The following DNAH5 variants were observed in gnomAD, a reference collection of about 807,000 sequenced individuals.
DNAH5 encodes dynein axonemal heavy chain 5.
Under a neutral mutation model 518.2 loss-of-function variants are expected in DNAH5, and 372 were observed. The ratio of observed to expected loss-of-function variants is 0.72; its 90% CI spans 0.66 to 0.78. DNAH5 has a LOEUF of 0.78. DNAH5 is among the 30% of genes least tolerant of loss of function. DNAH5 has a pLI of 0.00. For synonymous variants in DNAH5, 2,039 were observed against 2,025.9 expected (o/e 1.01, Z -0.17); for missense variants, 5,523 against 5,687.0 (o/e 0.97, Z 0.93).
At chr5:13,916,279 T>C (rs889014278) in intron 9 of DNAH5, 69 bp downstream of exon 9, 1 of 926,454 alleles carries the variant, frequency 1.1e-6, no homozygotes, top group African/African-American at 1.6e-5. Context: ...GTGGTAATTT[T>C]TAATTATCAA....
intron 75 of DNAH5, among the ~76,000 whole-genome samples, chr5:13,710,233 T>C (rs1207309947): frequency 6.6e-6 from 1 of 151,998 alleles, no homozygotes; most frequent in East Asian, 1.9e-4. Context: ...GCAGCTCGGC[T>C]CACAGGAAGC....
chr5:13,800,565 A>G (rs1481642762), intron 47 of DNAH5, among the ~76,000 whole-genome samples: 1 of 152,102 alleles, frequency 6.6e-6, no homozygotes, highest in African/African-American at 2.4e-5. Flanking sequence ...GTAGGCCCCC[A>G]TTCCATTATG....
At chr5:13,829,777 T>G in intron 37 of DNAH5, 73 bp from the exon 38 acceptor site, 1 of 1,434,758 alleles carries the variant, frequency 7.0e-7, no homozygotes, top group Non-Finnish European at 9.8e-7. Flanking sequence ...AAAGATTCAT[T>G]ATGTACACAC....
In DNAH5 at chr5:13,770,757, C is replaced by T; in HGVS notation, c.9597G>A (p.Leu3199=). 6.2e-7 allele frequency: 1 copy of T among 1,613,818 alleles called. No homozygotes were observed. Among genetic ancestry groups the T allele is most frequent in the Non-Finnish European group, 8.5e-7 (1 of 1,179,812 alleles). ...YGEKHVEVRT[L]ANRMNTGLEK... Reference sequence around the variant, plus strand: ...AAGAACATCACACTTACCTGTTGGCCAGGGTCCGCACCTCCACATGCTTTT... The same window carrying T: ...AAGAACATCACACTTACCTGTTGGCTAGGGTCCGCACCTCCACATGCTTTT... Residue 3199 remains leucine (L), a synonymous_variant, in exon 56 of 79, where the codon CTG becomes CTA. Coordinates refer to ENST00000265104, the MANE Select transcript of DNAH5 (RefSeq NM_001369.3).
rs372707209 is a variant in DNAH5, at chr5:13,985,145, G to C, written c.12+26503C>G. ...CCTTTGTAGGGACATGGTTGAAGCTGCAAACCATCATTCTCAGCAAACTAT... is the reference window on the plus strand; with the variant it reads ...CCTTTGTAGGGACATGGTTGAAGCTCCAAACCATCATTCTCAGCAAACTAT... On this transcript the variant is annotated intron_variant, in intron 1 of 78. Coordinates refer to the DNAH5 transcript ENST00000681290. 1.6e-4 allele frequency among the ~76,000 whole-genome samples: 25 copies of C among 152,120 alleles called. No homozygotes were observed. In the East Asian group the frequency reaches 3.9e-3, roughly 24 times the overall value.
intron 65 of DNAH5, 26 bp from the exon 66 acceptor site, chr5:13,737,521 C>T: frequency 6.2e-7 from 1 of 1,610,376 alleles, no homozygotes; most frequent in Middle Eastern, 1.7e-4. Context: ...AATATATTTT[C>T]TACCTCAATT....
chr5:13,862,194 C>T (rs75999981), intron 29 of DNAH5, among the ~76,000 whole-genome samples: 3,085 of 152,126 alleles, frequency 0.02, 109 homozygotes, highest in African/African-American at 0.069. Context: ...TCCCAAGAGC[C>T]GAGTGGCTAA....
At chr5:13,783,208 A>T (rs1755456103) in intron 52 of DNAH5, among the ~76,000 whole-genome samples, 1 of 152,210 alleles carries the variant, frequency 6.6e-6, no homozygotes, top group South Asian at 2.1e-4. Flanking sequence ...GTATCTCAGA[A>T]TTAGCAAAAG....
chr5:13,714,344 A>G, intron 75 of DNAH5, 61 bp downstream of exon 75: 1 of 1,529,924 alleles, frequency 6.5e-7, no homozygotes, highest in Non-Finnish European at 9.1e-7. Flanking sequence ...CTTCTTCCTC[A>G]CTCTCCCAAC....
chr5:13,886,555 A>T (rs1303025395), intron 17 of DNAH5, among the ~76,000 whole-genome samples: 1 of 152,226 alleles, frequency 6.6e-6, no homozygotes, highest in Non-Finnish European at 1.5e-5. Flanking sequence ...GCATTTCTCA[A>T]GAATGGATTT....
intron 1 of DNAH5, among the ~76,000 whole-genome samples, chr5:13,996,220 C>T (rs545470487): frequency 1.3e-5 from 2 of 152,260 alleles, no homozygotes; most frequent in South Asian, 4.2e-4. Context: ...GCTTCCATGC[C>T]CCACCTCCTA....
At chr5:13,784,047 G>A (rs981725317) in intron 52 of DNAH5, among the ~76,000 whole-genome samples, 1 of 152,178 alleles carries the variant, frequency 6.6e-6, no homozygotes, top group African/African-American at 2.4e-5. Context: ...CACACCCAAA[G>A]TGTTTCAAGA....
At chr5:13,986,243 T>A (rs1783050721) in intron 1 of DNAH5, among the ~76,000 whole-genome samples, 3 of 152,164 alleles carry the variant, frequency 2.0e-5, no homozygotes, top group South Asian at 4.1e-4. Flanking sequence ...ATTCTGAGCT[T>A]CCCAGCAGCC....
At chr5:13,951,274 T>A (rs1371273784) in intron 1 of DNAH5, among the ~76,000 whole-genome samples, 1 of 141,612 alleles carries the variant, frequency 7.1e-6, no homozygotes, top group Non-Finnish European at 1.5e-5. Context: ...TGAAGTGCAG[T>A]GATGCAGTCA....
At chr5:13,765,500 G>A (rs891706142) in intron 59 of DNAH5, among the ~76,000 whole-genome samples, 1 of 152,184 alleles carries the variant, frequency 6.6e-6, no homozygotes, top group Non-Finnish European at 1.5e-5. Flanking sequence ...TGGGGCACAA[G>A]AGAGATTTCT....
intron 12 of DNAH5, among the ~76,000 whole-genome samples, chr5:13,903,185 G>A (rs544258590): frequency 6.6e-6 from 1 of 152,168 alleles, no homozygotes; most frequent in African/African-American, 2.4e-5. Flanking sequence ...GACGTATAAA[G>A]GGGAACATAA....
At chr5:13,727,727 T>C (rs1745949057) in intron 69 of DNAH5, 71 bp from the exon 70 acceptor site, 4 of 1,559,768 alleles carry the variant, frequency 2.6e-6, no homozygotes, top group African/African-American at 1.4e-5. Context: ...CATAGATATG[T>C]TTCATCAAAC....
chr5:13,801,241 G>T (rs1335905475), intron 47 of DNAH5, among the ~76,000 whole-genome samples: 1 of 152,098 alleles, frequency 6.6e-6, no homozygotes, highest in Non-Finnish European at 1.5e-5. Context: ...GAGTTCTCAC[G>T]AGATCTGGTT....
At chr5:13,835,149 A>G (rs9654446) in intron 35 of DNAH5, among the ~76,000 whole-genome samples, 62,802 of 151,768 alleles carry the variant, frequency 0.41, 13,416 homozygotes, top group East Asian at 0.6. Context: ...TCCAGGCATG[A>G]TGGCACGCAC....
Sources: allele counts gnomAD v4.1 joint callset (sites outside exome capture counted in the v4.1 genomes callset), GRCh38; gene constraint gnomAD v4.1.1; transcripts MANE v1.5; gene names NCBI Gene and HGNC (gene_info 2026-07-23, HGNC 2026-07-21).